AMPH: variants seen among roughly 807,000 people sequenced by gnomAD.
AMPH encodes amphiphysin (Stiff-Mann syndrome with breast cancer 128kD autoantigen).
A neutral mutation model predicts 99.1 loss-of-function variants in AMPH; 49 were observed. The observed-to-expected ratio is 0.49, with a 90% CI of 0.39 to 0.63. The LOEUF is 0.63. Ranked by LOEUF, AMPH falls within the 20% of genes least tolerant of loss-of-function variation. The probability of loss-of-function intolerance (pLI) is 0.00; values close to 1 mark genes in which losing one functional copy is unlikely to be tolerated. For synonymous variants in AMPH, 314 were observed against 317.3 expected (o/e 0.99, Z 0.11); for missense variants, 759 against 863.4 (o/e 0.88, Z 1.52).
intron 2 of AMPH, among the ~76,000 whole-genome samples, chr7:38,509,619 T>C (rs572608320): frequency 5.3e-5 from 8 of 152,330 alleles, no homozygotes; most frequent in African/African-American, 1.9e-4. Context: ...TTTATTGCCT[T>C]GAATTTGTGA....
In AMPH at chr7:38,436,379, G is replaced by A. The variant is rs1786264888; in HGVS notation, c.1027C>T (p.Pro343Ser). The change falls in exon 12 of 21, where the codon CCT becomes TCT. Residue 343 changes from proline to serine, a missense_variant. Physicochemically the swap from Pro to Ser is moderately conservative, Grantham distance 74. Around this residue, in one of 2 missense-constraint regions of AMPH, gnomAD observed 554 missense variants for 575.6 expected, o/e 0.96. Transcript: ENST00000356264. The part of the protein sequence containing the change: ...SVTTPSQNEV[P>S]EVKKEETLLD... ...AAAGTCTCCTCTTTCTTCACCTCAGGGACTTCATTCTGTTAAAGCAAACAA... is the reference window on the plus strand; with the variant it reads ...AAAGTCTCCTCTTTCTTCACCTCAGAGACTTCATTCTGTTAAAGCAAACAA... 2.5e-6 allele frequency: 4 copies of A among 1,613,642 alleles called. No individual in the cohort carries two copies. The highest frequency in any genetic ancestry group is 3.4e-6 in the Non-Finnish European group (4 of 1,179,690).
At chr7:38,437,264 T>C (rs57486020) in intron 11 of AMPH, among the ~76,000 whole-genome samples, 7,053 of 152,190 alleles carry the variant, frequency 0.046, 182 homozygotes, top group South Asian at 0.1. Context: ...TCCCATAAAG[T>C]ACATCACAGA....
intron 2 of AMPH, 71 bp from the exon 3 acceptor site, chr7:38,503,775 G>A: frequency 6.8e-7 from 1 of 1,469,998 alleles, no homozygotes; most frequent in Non-Finnish European, 9.5e-7. Context: ...GAAGTGCTAA[G>A]TCTCAAAGTT....
At chr7:38,545,153 T>C (rs973152294) in intron 1 of AMPH, among the ~76,000 whole-genome samples, 8 of 152,334 alleles carry the variant, frequency 5.3e-5, no homozygotes, top group Admixed American at 5.2e-4. Context: ...CCTAGAGTGG[T>C]GGTCTACATT....
At chr7:38,627,500 A>T (rs1322114316) in intron 1 of AMPH, among the ~76,000 whole-genome samples, 1 of 151,782 alleles carries the variant, frequency 6.6e-6, no homozygotes, top group Admixed American at 6.6e-5. Flanking sequence ...CTAAAAATAT[A>T]AAAAATTAGC....
At chr7:38,421,081 C>T (rs1339852321) in intron 16 of AMPH, 2 of 456,368 alleles carry the variant, frequency 4.4e-6, no homozygotes, top group African/African-American at 4.0e-5. Flanking sequence ...AAGCTAAGTT[C>T]CCCATGGAAA....
intron 11 of AMPH, among the ~76,000 whole-genome samples, chr7:38,452,092 G>A (rs1051221549): frequency 1.3e-5 from 2 of 152,150 alleles, no homozygotes; most frequent in Non-Finnish European, 2.9e-5. Flanking sequence ...AATCATCACC[G>A]TGATGGTGCT....
intron 14 of AMPH, chr7:38,429,349 G>C: frequency 7.8e-7 from 1 of 1,289,566 alleles, no homozygotes; most frequent in South Asian, 1.2e-5. Flanking sequence ...GCAGACGAAA[G>C]CAGGCTGGTG....
chr7:38,534,854 A>T, intron 2 of AMPH, 77 bp downstream of exon 2: 5 of 1,242,844 alleles, frequency 4.0e-6, no homozygotes, highest in Admixed American at 1.9e-5. Flanking sequence ...TTTAATCTTA[A>T]TGCATTTTAC....
chr7:38,509,549 T>A lies in AMPH; in HGVS notation c.151-5845A>T, dbSNP rs1179904720. Among the ~76,000 whole-genome samples the A allele has an allele frequency of 2.6e-5, 4 of 152,338 alleles. No homozygotes were observed. In the East Asian group the frequency reaches 7.7e-4, roughly 29 times the overall value. ...ATCTTCTGGAAAAGCTAACCCATAG[T>A]GTGTTAAACCGCCATCAAATCATCA... On this transcript the variant is annotated intron_variant, in intron 2 of 20. Transcript: ENST00000356264.
At chr7:38,415,654 T>C (rs1785356857) in intron 17 of AMPH, among the ~76,000 whole-genome samples, 1 of 152,164 alleles carries the variant, frequency 6.6e-6, no homozygotes, top group Non-Finnish European at 1.5e-5. Context: ...TCCAAGTATG[T>C]CCATGTTAAA....
intron 19 of AMPH, among the ~76,000 whole-genome samples, chr7:38,391,270 G>C (rs978676036): frequency 2.0e-5 from 3 of 151,942 alleles, no homozygotes; most frequent in African/African-American, 7.3e-5. Context: ...TCTGCCTTTT[G>C]GTGCAAGTTC....
At chr7:38,562,533 T>C (rs1271546298) in intron 1 of AMPH, among the ~76,000 whole-genome samples, 1 of 152,074 alleles carries the variant, frequency 6.6e-6, no homozygotes, top group African/African-American at 2.4e-5. Context: ...AAGTGACAGA[T>C]CCGAGGCAAA....
intron 2 of AMPH, among the ~76,000 whole-genome samples, chr7:38,512,094 G>A (rs762277488): frequency 2.3e-4 from 35 of 152,144 alleles, no homozygotes; most frequent in Admixed American, 5.9e-4. Flanking sequence ...GGACACTTAA[G>A]TGTGTATGTA....
intron 17 of AMPH, among the ~76,000 whole-genome samples, chr7:38,404,050 GC>G (rs1422620790): frequency 6.6e-6 from 1 of 152,138 alleles, no homozygotes; most frequent in African/African-American, 2.4e-5. Context: ...GTGCCCCAAG[GC>G]CATTTTGCTG....
chr7:38,447,978 G>GT (rs560162972), intron 11 of AMPH, among the ~76,000 whole-genome samples: 5 of 152,194 alleles, frequency 3.3e-5, no homozygotes, highest in Admixed American at 6.5e-5. Context: ...AAGAGGTAGA[G>GT]TAGGAAGCTT....
intron 9 of AMPH, among the ~76,000 whole-genome samples, chr7:38,463,814 C>A (rs1031990369): frequency 2.0e-5 from 3 of 152,212 alleles, no homozygotes; most frequent in Non-Finnish European, 4.4e-5. Flanking sequence ...CGCTCGGGAA[C>A]AGCCCAAATG....
chr7:38,395,177 T>C (rs1423396858), intron 17 of AMPH, among the ~76,000 whole-genome samples: 1 of 152,146 alleles, frequency 6.6e-6, no homozygotes, highest in East Asian at 1.9e-4. Flanking sequence ...AGTATAAACT[T>C]TCAAATCTTT....
At chr7:38,472,388 A>C (rs1156724243) in intron 7 of AMPH, among the ~76,000 whole-genome samples, 1 of 152,196 alleles carries the variant, frequency 6.6e-6, no homozygotes, top group African/African-American at 2.4e-5. Flanking sequence ...CAGGATTCAC[A>C]TGAAAACAAA....
Sources: allele counts gnomAD v4.1 joint callset (sites outside exome capture counted in the v4.1 genomes callset), GRCh38; gene constraint gnomAD v4.1.1; regional missense constraint gnomAD v4.1.1; transcripts MANE v1.5; gene names NCBI Gene and HGNC (gene_info 2026-07-23, HGNC 2026-07-21).